Variants in TASP1 observed in about 807,000 individuals in gnomAD.
The protein encoded by TASP1 is taspase 1.
TASP1 carries 16 observed loss-of-function variants against 56.6 expected under a neutral mutation model. The ratio of observed to expected loss-of-function variants is 0.28; its 90% CI spans 0.19 to 0.43. TASP1 has a LOEUF of 0.43. Ranked by LOEUF, TASP1 falls within the 20% of genes least tolerant of loss-of-function variation. The pLI is 1.00. For synonymous variants in TASP1, 179 were observed against 184.2 expected (o/e 0.97, Z 0.23); for missense variants, 393 against 511.6 (o/e 0.77, Z 2.24).
chr20:13,175,263 A>C, the TASP1 span, among the ~76,000 whole-genome samples: 2 of 152,238 alleles, frequency 1.3e-5, no homozygotes, highest in Non-Finnish European at 2.9e-5. Context: ...CAAAGTGGAA[A>C]TACTGGATAA....
chr20:13,500,458 A>G (rs2043904457), intron 10 of TASP1, among the ~76,000 whole-genome samples: 1 of 151,618 alleles, frequency 6.6e-6, no homozygotes, highest in East Asian at 1.9e-4. Flanking sequence ...AACAGGCAAC[A>G]GAAGTAGACT....
the TASP1 span, among the ~76,000 whole-genome samples, chr20:13,220,532 G>T: frequency 6.6e-6 from 1 of 152,190 alleles, no homozygotes; most frequent in Non-Finnish European, 1.5e-5. Context: ...GCCCACTAGA[G>T]CTGAGATTCA....
the TASP1 span, among the ~76,000 whole-genome samples, chr20:13,317,935 G>C: frequency 6.6e-6 from 1 of 151,532 alleles, no homozygotes; most frequent in Non-Finnish European, 1.5e-5. Flanking sequence ...AAAAAAAAGT[G>C]TTGGTAAGCT....
intron 8 of TASP1, among the ~76,000 whole-genome samples, chr20:13,544,112 A>G (rs2045720098): frequency 6.6e-6 from 1 of 152,160 alleles, no homozygotes; most frequent in Admixed American, 6.5e-5. Flanking sequence ...CTATTGTTCA[A>G]AACAAACTTC....
chr20:13,129,548 C>A, the TASP1 span, among the ~76,000 whole-genome samples: 1 of 152,226 alleles, frequency 6.6e-6, no homozygotes, highest in South Asian at 2.1e-4. Context: ...GTTTTAAAGA[C>A]AAGTGACTAG....
At chr20:13,174,482 G>C in the TASP1 span, among the ~76,000 whole-genome samples, 2 of 152,134 alleles carry the variant, frequency 1.3e-5, no homozygotes, top group Non-Finnish European at 2.9e-5. Flanking sequence ...TAGATCGCTT[G>C]AGCCCAGGAG....
intron 11 of TASP1, among the ~76,000 whole-genome samples, chr20:13,480,414 T>A (rs2043097921): frequency 6.6e-6 from 1 of 152,216 alleles, no homozygotes; most frequent in South Asian, 2.1e-4. Context: ...GTTAACAAGA[T>A]GACTTTTGGA....
the TASP1 span, among the ~76,000 whole-genome samples, chr20:13,292,800 C>A: frequency 6.6e-6 from 1 of 152,088 alleles, no homozygotes; most frequent in African/African-American, 2.4e-5. Flanking sequence ...CATTGAGCGT[C>A]CTCAAGAAAA....
At chr20:13,506,360 C>G (rs1379927815) in intron 10 of TASP1, among the ~76,000 whole-genome samples, 1 of 152,058 alleles carries the variant, frequency 6.6e-6, no homozygotes, top group Non-Finnish European at 1.5e-5. Context: ...TTCAAAAAAC[C>G]AAGTAAGAGG....
At chr20:13,204,265 C>T in the TASP1 span, among the ~76,000 whole-genome samples, 18 of 152,264 alleles carry the variant, frequency 1.2e-4, no homozygotes, top group African/African-American at 4.3e-4. Flanking sequence ...ATGACAGAGA[C>T]TCCTCAGAGG....
At chr20:13,127,848 G>A in the TASP1 span, among the ~76,000 whole-genome samples, 4 of 152,078 alleles carry the variant, frequency 2.6e-5, no homozygotes, top group East Asian at 1.9e-4. Flanking sequence ...TTGCCTTTTC[G>A]GTGTTATGAC....
At chr20:13,300,818 G>A in the TASP1 span, among the ~76,000 whole-genome samples, 20 of 152,278 alleles carry the variant, frequency 1.3e-4, no homozygotes, top group African/African-American at 3.9e-4. Context: ...CACCAAAATC[G>A]TCTACCCAAC....
intron 12 of TASP1, among the ~76,000 whole-genome samples, chr20:13,430,259 C>A (rs1232603136): frequency 2.0e-5 from 3 of 152,180 alleles, no homozygotes; most frequent in Admixed American, 6.5e-5. Flanking sequence ...GTAATAAATT[C>A]TCTCAAAATG....
the TASP1 span, among the ~76,000 whole-genome samples, chr20:13,128,001 T>C: frequency 1.3e-5 from 2 of 152,230 alleles, no homozygotes; most frequent in Non-Finnish European, 2.9e-5. Flanking sequence ...GAGTGACTTA[T>C]CTATTCAACC....
chr20:13,225,070 G>T, the TASP1 span, among the ~76,000 whole-genome samples: 16 of 150,778 alleles, frequency 1.1e-4, no homozygotes, highest in African/African-American at 3.7e-4. Flanking sequence ...AGCCAGGATG[G>T]TCTCACTCTC....
chr20:13,315,451 G>A, the TASP1 span, among the ~76,000 whole-genome samples: 169 of 152,118 alleles, frequency 1.1e-3, no homozygotes, highest in African/African-American at 3.9e-3. Flanking sequence ...GAGTTGTTAC[G>A]TGATGATAAA....
chr20:13,610,299 A>G (rs1162488794), intron 4 of TASP1, among the ~76,000 whole-genome samples: 2 of 152,254 alleles, frequency 1.3e-5, no homozygotes, highest in Non-Finnish European at 2.9e-5. Context: ...ACACAAAAGA[A>G]TACATAATAT....
chr20:13,229,712 G>T, the TASP1 span, among the ~76,000 whole-genome samples: 1 of 152,164 alleles, frequency 6.6e-6, no homozygotes, highest in East Asian at 1.9e-4. Flanking sequence ...CTCTGTTCTT[G>T]ATAGTATTGT....
chr20:13,588,262 G>GAAGGAAGGAAGA, intron 4 of TASP1, among the ~76,000 whole-genome samples: 1 of 100,328 alleles, frequency 1.0e-5, no homozygotes, highest in Non-Finnish European at 2.1e-5. Flanking sequence ...AGGAAGGAAG[G>GAAGGAAGGAAGA]AAGGAAGGAA....
Sources: gnomAD v4.1 joint callset for allele counts (sites outside exome capture counted in the v4.1 genomes callset) on GRCh38, gnomAD v4.1.1 for gene constraint, MANE v1.5 for transcripts, NCBI Gene and HGNC (gene_info 2026-07-23, HGNC 2026-07-21) for gene names.